Variants in ASXL2 observed in about 807,000 individuals in gnomAD.
ASXL2 encodes the protein putative Polycomb group protein ASXL2.
ASXL2 carries 23 observed loss-of-function variants against 122.0 expected under a neutral mutation model. That is an observed-to-expected ratio of 0.19 (90% CI 0.14 to 0.27). The LOEUF is 0.27. Among genes scored for constraint, ASXL2 ranks in the 10% least tolerant of loss-of-function variants. ASXL2 has a pLI of 1.00. For missense variants in ASXL2, 1,518 were observed against 1,713.8 expected (o/e 0.89, Z 2.02); for synonymous variants, 650 against 637.0 (o/e 1.02, Z -0.31).
chr2:25,735,504 G>A lies in ASXL2; in HGVS notation c.*6525C>T, dbSNP rs559258132. ...TTTATCCATTATGGAGAAAAACTGG[G>A]ATGCAACAATTCCAAATGAAGAGAT... is the stretch of plus-strand genomic sequence containing the variant. On this transcript the variant is annotated 3_prime_UTR_variant, in exon 13 of 13. Coordinates refer to ENST00000435504, the MANE Select transcript of ASXL2 (RefSeq NM_018263.6). 2.0e-5 allele frequency: 3 copies of A among 152,278 alleles called. No individual in the cohort carries two copies. Among genetic ancestry groups the A allele is most frequent in the African/African-American group, 7.2e-5 (3 of 41,544 alleles). 9.4% of individuals were successfully genotyped at this position (152,278 alleles called of 1,614,324 possible). A position where few individuals can be genotyped will look rare whatever the true frequency, so the allele number is the denominator to read the frequency against.
chr2:25,806,521 CA>C (rs1293592009), intron 3 of ASXL2, among the ~76,000 whole-genome samples, 184 bp from the exon 4 acceptor site: 2 of 152,224 alleles, frequency 1.3e-5, no homozygotes, highest in African/African-American at 4.8e-5. Context: ...ATGTAAAAAT[CA>C]TTTCCATGTA....
rs1254883938 is a variant in ASXL2, at chr2:25,740,581, TA to T, written c.*1447del. The T allele has an allele frequency of 1.7e-5, 4 of 229,766 alleles. No homozygotes were observed. Among genetic ancestry groups the T allele is most frequent in the African/African-American group, 4.4e-5 (2 of 45,158 alleles). The allele number at this position is 229,766 out of a possible 1,614,324, so 14.2% of individuals were successfully genotyped here. On this transcript the variant is annotated 3_prime_UTR_variant, in exon 13 of 13. Transcript: ENST00000435504. ...TAATGTTCCTTAACCATGACCTAAA[TA>T]TTATGTACTCACAATTTCTTCAGTC...
chr2:25,833,609 T>C (rs1317617663), intron 3 of ASXL2, among the ~76,000 whole-genome samples: 1 of 151,952 alleles, frequency 6.6e-6, no homozygotes, highest in African/African-American at 2.4e-5. Context: ...GGCAGGAAAA[T>C]TGTTTGAACT....
intron 5 of ASXL2, among the ~76,000 whole-genome samples, chr2:25,782,508 T>G (rs569324762): frequency 6.6e-6 from 1 of 152,214 alleles, no homozygotes; most frequent in Admixed American, 6.5e-5. Context: ...ACAGTGCCAC[T>G]GCTCTCTAGC....
rs1358545389 is a variant in ASXL2, at chr2:25,741,003, G to A, written c.*1026C>T. 1.0e-5 allele frequency: 2 copies of A among 190,782 alleles called. No individual in the cohort carries two copies. Among genetic ancestry groups the A allele is most frequent in the Non-Finnish European group, 2.2e-5 (2 of 91,154 alleles). The allele number at this position is 190,782 out of a possible 1,614,324, so 11.8% of individuals were successfully genotyped here. A position where few individuals can be genotyped will look rare whatever the true frequency, so the allele number is the denominator to read the frequency against. On this transcript the variant is annotated 3_prime_UTR_variant, in exon 13 of 13. Coordinates refer to ENST00000435504, the MANE Select transcript of ASXL2 (RefSeq NM_018263.6). ...AGGTTAACAGGTTGGGAGAGAAGAG[G>A]AAAAGAGAAGCGACCTTGTTCTAGT...
At position 25,772,880 on chromosome 2, in the gene ASXL2, CA is replaced by C. The variant is rs2088480237; in HGVS notation, c.404-1341del. Among the ~76,000 whole-genome samples, 3 of 152,000 alleles carry C rather than the reference CA, an allele frequency of 2.0e-5. No individual in the cohort carries two copies. In the South Asian group the frequency reaches 6.2e-4, roughly 31 times the overall value. On this transcript the variant is annotated intron_variant, in intron 5 of 12. Coordinates refer to ENST00000435504, the MANE Select transcript of ASXL2 (RefSeq NM_018263.6). ...GATGTCCTAAGAAAGGAATGCACAG[CA>C]GATGCATTTAAAGAAGATAGCATCA...
At chr2:25,863,020 T>A (rs1399644108) in intron 1 of ASXL2, among the ~76,000 whole-genome samples, 1 of 152,124 alleles carries the variant, frequency 6.6e-6, no homozygotes, top group Non-Finnish European at 1.5e-5. Flanking sequence ...TACAACCAAA[T>A]TTTAAAATGC....
intron 9 of ASXL2, among the ~76,000 whole-genome samples, chr2:25,757,468 C>A (rs368765176): frequency 8.3e-5 from 12 of 145,266 alleles, no homozygotes; most frequent in African/African-American, 3.1e-4. Flanking sequence ...GAAACCCCGT[C>A]TCTACTAAAA....
At chr2:25,751,047 C>G (rs1417595808) in intron 11 of ASXL2, among the ~76,000 whole-genome samples, 2 of 152,172 alleles carry the variant, frequency 1.3e-5, no homozygotes, top group Admixed American at 6.5e-5. Context: ...TCGAGTGTCT[C>G]TAAGCTATTC....
intron 3 of ASXL2, among the ~76,000 whole-genome samples, chr2:25,815,189 G>A (rs531789714): frequency 2.6e-5 from 4 of 152,176 alleles, no homozygotes; most frequent in Admixed American, 2.6e-4. Flanking sequence ...CTCCTGTCCA[G>A]CTTAAAATTC....
chr2:25,742,154 C>T lies in ASXL2; in HGVS notation c.4183G>A (p.Gly1395Ser). Residue 1395 changes from glycine (G) to serine (S), a missense_variant, in exon 13 of 13, where the codon GGC (glycine) becomes AGC (serine). Physicochemically the swap from Gly to Ser is moderately conservative, Grantham distance 56. Transcript: ENST00000435504. ...QAFSEENSIE[G>S]TPSKCYCRLK... ...CGGCAGTAACATTTCGAAGGCGTGC[C>T]CTCTATGCTGTTCTCTTCGGAGAAC... is the stretch of plus-strand genomic sequence containing the variant. The T allele has an allele frequency of 6.2e-7, 1 of 1,614,024 alleles. No homozygotes were observed. Among genetic ancestry groups the T allele is most frequent in the Non-Finnish European group, 8.5e-7 (1 of 1,179,902 alleles).
intron 3 of ASXL2, among the ~76,000 whole-genome samples, chr2:25,816,862 C>T (rs1026357186): frequency 2.0e-5 from 3 of 152,154 alleles, no homozygotes; most frequent in Admixed American, 6.5e-5. Flanking sequence ...TGGTGGCTCA[C>T]GCCTGTAATC....
intron 8 of ASXL2, among the ~76,000 whole-genome samples, chr2:25,764,225 G>C (rs2088302056): frequency 3.9e-5 from 6 of 152,022 alleles, no homozygotes; most frequent in Admixed American, 3.9e-4. Flanking sequence ...AATCATATTT[G>C]GTTTTTAATT....
At chr2:25,815,827 T>A (rs1360807112) in intron 3 of ASXL2, among the ~76,000 whole-genome samples, 1 of 152,212 alleles carries the variant, frequency 6.6e-6, no homozygotes, top group African/African-American at 2.4e-5. Context: ...GTTTACATCG[T>A]GTTTCCTGTC....
intron 3 of ASXL2, among the ~76,000 whole-genome samples, chr2:25,813,050 A>G (rs1205013518): frequency 6.6e-6 from 1 of 152,230 alleles, no homozygotes; most frequent in Non-Finnish European, 1.5e-5. Flanking sequence ...ATTACTTTAA[A>G]AAGGACATAA....
At chr2:25,849,295 T>C (rs2089689697) in intron 1 of ASXL2, among the ~76,000 whole-genome samples, 1 of 149,724 alleles carries the variant, frequency 6.7e-6, no homozygotes, top group Admixed American at 6.7e-5. Context: ...CACAAAAAGT[T>C]AGCTGGGGGT....
At chr2:25,803,999 C>A (rs2089039448) in intron 4 of ASXL2, among the ~76,000 whole-genome samples, 1 of 151,920 alleles carries the variant, frequency 6.6e-6, no homozygotes, top group South Asian at 2.1e-4. Context: ...TTTTTCCCCC[C>A]AATCTCTACA....
intron 8 of ASXL2, among the ~76,000 whole-genome samples, chr2:25,767,279 CTGATAAT>C (rs2088368985): frequency 6.6e-6 from 1 of 152,134 alleles, no homozygotes; most frequent in African/African-American, 2.4e-5. Flanking sequence ...CACAAAATGA[CTGATAAT>C]AGATCTTTCT....
intron 1 of ASXL2, among the ~76,000 whole-genome samples, chr2:25,865,086 G>T (rs944527943): frequency 2.0e-5 from 3 of 149,634 alleles, no homozygotes; most frequent in Non-Finnish European, 4.4e-5. Flanking sequence ...GCCTACAAAA[G>T]TGCTGAGATT....
Sources: allele counts gnomAD v4.1 joint callset (sites outside exome capture counted in the v4.1 genomes callset), GRCh38; gene constraint gnomAD v4.1.1; transcripts MANE v1.5; gene names NCBI Gene and HGNC (gene_info 2026-07-23, HGNC 2026-07-21).